TLN2: variants seen among roughly 807,000 people sequenced by gnomAD.
TLN2 encodes the protein talin 2, also known as talin-2.
A neutral mutation model predicts 294.7 loss-of-function variants in TLN2; 118 were observed. That is an observed-to-expected ratio of 0.40 (90% confidence interval 0.34 to 0.47). The LOEUF is 0.47. TLN2 is among the 20% of genes least tolerant of loss of function. The pLI, the probability that TLN2 is intolerant of heterozygous loss-of-function variation, is 0.84. For synonymous variants in TLN2, 1,431 were observed against 1,304.5 expected (o/e 1.10, Z -2.09); for missense variants, 3,083 against 3,282.2 (o/e 0.94, Z 1.48).
chr15:62,626,107 CG>C (rs140892846), intron 3 of TLN2, among the ~76,000 whole-genome samples: 5,215 of 152,228 alleles, frequency 0.034, 101 homozygotes, highest in Non-Finnish European at 0.048. Context: ...GCACACATAA[CG>C]ATATACATGA....
chr15:62,512,070 A>C (rs2039965075), intron 1 of TLN2, among the ~76,000 whole-genome samples: 1 of 152,176 alleles, frequency 6.6e-6, no homozygotes, highest in Admixed American at 6.5e-5. Flanking sequence ...TCAGTCACAA[A>C]GTTGCTTTGC....
Position 62,745,214 on chromosome 15 carries a change from A to G in TLN2, c.4026-3137A>G, listed in dbSNP as rs188203630. 1.3e-3 allele frequency among the ~76,000 whole-genome samples: 193 copies of G among 152,344 alleles called. 2 individuals carry two copies. The highest frequency in any genetic ancestry group is 2.4e-3 in the Non-Finnish European group (165 of 68,026). On this transcript the variant is annotated intron_variant, in intron 32 of 58. Coordinates refer to ENST00000636159, the MANE Select transcript of TLN2 (RefSeq NM_015059.3). ...GATCCCAAGTTTTTTAGAAACTGAG[A>G]GTAGATAGATAAGCCTAGATGAAAA... is the stretch of plus-strand genomic sequence containing the variant.
intron 43 of TLN2, among the ~76,000 whole-genome samples, chr15:62,779,790 A>AT (rs1444836495): frequency 6.6e-6 from 1 of 152,256 alleles, no homozygotes; most frequent in Non-Finnish European, 1.5e-5. Flanking sequence ...TATCTGCCTA[A>AT]TAGGGAAAGC....
intron 41 of TLN2, among the ~76,000 whole-genome samples, chr15:62,770,326 T>C (rs2063277052): frequency 6.6e-6 from 1 of 152,170 alleles, no homozygotes; most frequent in South Asian, 2.1e-4. Flanking sequence ...TAGGCGAGCT[T>C]TAGTGAGCGT....
At chr15:62,577,948 G>A (rs199712677) in intron 1 of TLN2, among the ~76,000 whole-genome samples, 100 of 152,166 alleles carry the variant, frequency 6.6e-4, no homozygotes, top group African/African-American at 2.4e-3. Flanking sequence ...GCAGTGTTTG[G>A]TTTTCTGTCC....
rs2058757995 is a variant in TLN2 at position 62,702,208 on chromosome 15, C to T, written c.1905+8C>T. 1 of 1,576,484 alleles carries T rather than the reference C, an allele frequency of 6.3e-7. No individual in the cohort carries two copies. Among genetic ancestry groups the T allele is most frequent in the African/African-American group, 1.3e-5 (1 of 74,324 alleles). ...CAGCCTACTTCTGGAGAGGTAAGCT[C>T]CAGAGGCAAGCAATCACTCAGGTTC... is the stretch of plus-strand genomic sequence containing the variant. On this transcript the variant is annotated splice_region_variant and intron_variant, in intron 18 of 58. Transcript: ENST00000636159.
At chr15:62,584,486 G>A (rs372046203) in intron 1 of TLN2, among the ~76,000 whole-genome samples, 4 of 152,212 alleles carry the variant, frequency 2.6e-5, no homozygotes, top group African/African-American at 9.6e-5. Flanking sequence ...TGTTGACGCT[G>A]TCTACTTGCT....
chr15:62,643,635 T>C (rs1346196468), intron 3 of TLN2, among the ~76,000 whole-genome samples: 1 of 151,948 alleles, frequency 6.6e-6, no homozygotes, highest in African/African-American at 2.4e-5. Context: ...ACGGGTATAG[T>C]TGGCCAAGCA....
chr15:62,663,537 T>G (rs1202766703), intron 9 of TLN2, among the ~76,000 whole-genome samples: 2 of 151,504 alleles, frequency 1.3e-5, no homozygotes, highest in Non-Finnish European at 2.9e-5. Flanking sequence ...AGTCAGTCTA[T>G]AGAGAACCTT....
At chr15:62,438,396 A>G (rs947550061) in intron 1 of TLN2, among the ~76,000 whole-genome samples, 2 of 152,146 alleles carry the variant, frequency 1.3e-5, no homozygotes, top group East Asian at 3.9e-4. Flanking sequence ...GTCCTTTCCT[A>G]TCCAAATTCC....
intron 22 of TLN2, among the ~76,000 whole-genome samples, chr15:62,712,670 C>T (rs1196406361): frequency 1.3e-5 from 2 of 152,198 alleles, no homozygotes; most frequent in African/African-American, 2.4e-5. Context: ...TTAAAATGCA[C>T]ATGCCTCAGT....
At chr15:62,705,424 G>A (rs972813329) in intron 19 of TLN2, among the ~76,000 whole-genome samples, 1 of 152,090 alleles carries the variant, frequency 6.6e-6, no homozygotes, top group Non-Finnish European at 1.5e-5. Context: ...ATATAATAGT[G>A]GTCTTGTTGA....
At chr15:62,797,105 C>A in intron 47 of TLN2, 114 bp from the exon 48 acceptor site, 2 of 1,181,206 alleles carry the variant, frequency 1.7e-6, no homozygotes, top group East Asian at 2.5e-5. Flanking sequence ...CAGCACTTCT[C>A]TTCTTCAAAG....
Position 62,631,099 on chromosome 15 carries a change from G to T in TLN2, c.-37+12624G>T, listed in dbSNP as rs759679909. ...GGGGAATATGGATATATAACCAAAGGATCCCCAAAAGCAAAATAGACTCTG... is the reference window on the plus strand; with the variant it reads ...GGGGAATATGGATATATAACCAAAGTATCCCCAAAAGCAAAATAGACTCTG... On this transcript the variant is annotated intron_variant, in intron 3 of 58. Transcript: ENST00000636159. Among the ~76,000 whole-genome samples the T allele has an allele frequency of 3.6e-4, 55 of 152,008 alleles. 1 individual carries two copies. The highest frequency in any genetic ancestry group is 1.3e-3 in the African/African-American group (54 of 41,368).
At position 62,652,066 on chromosome 15, in the gene TLN2, T is replaced by A; in HGVS notation, c.296T>A (p.Val99Glu). 6.2e-7 allele frequency: 1 copy of A among 1,612,264 alleles called. No homozygotes were observed. The part of the protein sequence containing the change: ...PQKIRMLDGS[V>E]KTVMVDDSKT... The stretch of plus-strand genomic sequence containing the variant: ...AAAATCCGGATGCTGGATGGATCTG[T>A]GAAGACAGTGATGGTGGATGATTCC... The change falls in exon 6 of 59, where the codon GTG becomes GAG. Residue 99 changes from valine to glutamate, a missense_variant. Val to Glu is a moderately radical substitution (Grantham distance 121). Transcript: ENST00000636159.
chr15:62,397,670 G>T (rs2032665363), intron 1 of TLN2, among the ~76,000 whole-genome samples: 1 of 152,160 alleles, frequency 6.6e-6, no homozygotes, highest in Non-Finnish European at 1.5e-5. Flanking sequence ...TGAAAACCAT[G>T]CTTGAGATTA....
chr15:62,748,239 G>C, intron 32 of TLN2, 112 bp from the exon 33 acceptor site: 1 of 784,908 alleles, frequency 1.3e-6, no homozygotes, highest in Non-Finnish European at 2.1e-6. Flanking sequence ...TTCTCCTGGG[G>C]ACCCGAGCTG....
intron 1 of TLN2, among the ~76,000 whole-genome samples, chr15:62,474,349 A>G (rs1253286029): frequency 6.6e-6 from 1 of 152,188 alleles, no homozygotes; most frequent in East Asian, 1.9e-4. Flanking sequence ...AGTAAGAATA[A>G]GGGATAATAT....
intron 1 of TLN2, among the ~76,000 whole-genome samples, chr15:62,586,297 T>A (rs1465131763): frequency 6.6e-6 from 1 of 152,016 alleles, no homozygotes; most frequent in Non-Finnish European, 1.5e-5. Flanking sequence ...GTCTCATGAT[T>A]GCTCATCTCT....
Sources: allele counts gnomAD v4.1 joint callset (sites outside exome capture counted in the v4.1 genomes callset), GRCh38; gene constraint gnomAD v4.1.1; transcripts MANE v1.5; gene names NCBI Gene and HGNC (gene_info 2026-07-23, HGNC 2026-07-21).